The following ARHGAP5 variants were observed in gnomAD, a reference collection of about 807,000 sequenced individuals.
ARHGAP5 encodes the protein Rho GTPase activating protein 5.
A neutral mutation model predicts 116.6 loss-of-function variants in ARHGAP5; 23 were observed. The ratio of observed to expected loss-of-function variants is 0.20; its 90% CI spans 0.14 to 0.28. The LOEUF (loss-of-function observed/expected upper bound fraction) is 0.28. ARHGAP5 is among the 10% of genes least tolerant of loss of function. The pLI is 1.00. For missense variants in ARHGAP5, 1,405 were observed against 1,774.8 expected, an observed-to-expected ratio of 0.79 and a Z score of 3.74; for synonymous variants, 574 against 602.0, an observed-to-expected ratio of 0.95 and a Z score of 0.68.
At position 32,077,489 on chromosome 14, in the gene ARHGAP5, G is replaced by A. The variant is rs940577232; in HGVS notation, c.-169+54G>A. Reference sequence around the variant, plus strand: ...AGCCTGCCTGCCCCCTCCCGGACGGGGACCCTCCTGCGGCTAGCTGCCCCG... The same window carrying A: ...AGCCTGCCTGCCCCCTCCCGGACGGAGACCCTCCTGCGGCTAGCTGCCCCG... On this transcript the variant is annotated intron_variant, in intron 1 of 6. Coordinates refer to ENST00000345122, the MANE Select transcript of ARHGAP5 (RefSeq NM_001030055.2). The A allele has an allele frequency of 1.9e-5, 13 of 682,986 alleles. No individual in the cohort carries two copies. In the East Asian group the frequency reaches 3.7e-4, roughly 19 times the overall value. The allele number at this position is 682,986 out of a possible 1,614,324, so 42.3% of individuals were successfully genotyped here. A position where few individuals can be genotyped will look rare whatever the true frequency, so the allele number is the denominator to read the frequency against.
At chr14:32,133,727 G>C (rs1880632065) in intron 3 of ARHGAP5, among the ~76,000 whole-genome samples, 1 of 152,148 alleles carries the variant, frequency 6.6e-6, no homozygotes, top group Non-Finnish European at 1.5e-5. Context: ...GTTTGTCATA[G>C]ATAGGTCTTA....
chr14:32,080,388 C>A (rs943937663), intron 1 of ARHGAP5, among the ~76,000 whole-genome samples: 10 of 151,102 alleles, frequency 6.6e-5, no homozygotes, highest in Admixed American at 4.6e-4. Flanking sequence ...ACCTGGGTAA[C>A]AACAAACCCC....
At chr14:32,108,407 A>G (rs1001955473) in intron 2 of ARHGAP5, among the ~76,000 whole-genome samples, 2 of 151,666 alleles carry the variant, frequency 1.3e-5, no homozygotes, top group Admixed American at 6.6e-5. Flanking sequence ...GAAGGAGAAG[A>G]AAGAGAGGAA....
At chr14:32,090,418 G>A in intron 1 of ARHGAP5, 84 bp from the exon 2 acceptor site, 1 of 438,522 alleles carries the variant, frequency 2.3e-6, no homozygotes, top group Non-Finnish European at 4.0e-6. Context: ...TAATTTGTAT[G>A]GTGCTTTGTT....
At chr14:32,144,692 C>G (rs537293614) in intron 3 of ARHGAP5, among the ~76,000 whole-genome samples, 11 of 152,104 alleles carry the variant, frequency 7.2e-5, no homozygotes, top group Non-Finnish European at 1.3e-4. Context: ...ACATGTTGGC[C>G]AGGCTTGTCT....
At chr14:32,114,163 G>C (rs1271370661) in intron 2 of ARHGAP5, among the ~76,000 whole-genome samples, 1 of 151,870 alleles carries the variant, frequency 6.6e-6, no homozygotes, top group African/African-American at 2.4e-5. Context: ...AGGAGGCAGA[G>C]CTTGCAGTGA....
chr14:32,121,408 TG>T (rs1398370351), intron 3 of ARHGAP5, among the ~76,000 whole-genome samples: 2 of 152,190 alleles, frequency 1.3e-5, no homozygotes, highest in African/African-American at 4.8e-5. Flanking sequence ...TACCTTCAAG[TG>T]ATATACCACT....
At chr14:32,101,665 A>AAC (rs1566665697) in intron 2 of ARHGAP5, among the ~76,000 whole-genome samples, 1 of 151,982 alleles carries the variant, frequency 6.6e-6, no homozygotes, top group African/African-American at 2.4e-5. Context: ...AAAAAAAAAA[A>AAC]AACTGGGTGT....
At chr14:32,144,026 T>G (rs982501466) in intron 3 of ARHGAP5, among the ~76,000 whole-genome samples, 1 of 152,192 alleles carries the variant, frequency 6.6e-6, no homozygotes, top group African/African-American at 2.4e-5. Context: ...TGAGAACCAC[T>G]GCACTGTGTG....
At position 32,077,447 on chromosome 14, in the gene ARHGAP5, C is replaced by T. The variant is rs1170946619; in HGVS notation, c.-169+12C>T. 1 of 699,316 alleles carries T rather than the reference C, an allele frequency of 1.4e-6. No homozygotes were observed. The highest frequency in any genetic ancestry group is 2.6e-6 in the Non-Finnish European group (1 of 383,632). The allele number at this position is 699,316 out of a possible 1,614,324, so 43.3% of individuals were successfully genotyped here. ...ACCGACGTTGTTAGGTAGGACCTTG[C>T]GGACCCCGCTCCTCCAAGCCTGCCT... On this transcript the variant is annotated intron_variant, in intron 1 of 6. Coordinates refer to ENST00000345122, the MANE Select transcript of ARHGAP5 (RefSeq NM_001030055.2).
At chr14:32,082,429 T>C (rs1188807698) in intron 1 of ARHGAP5, among the ~76,000 whole-genome samples, 2 of 152,254 alleles carry the variant, frequency 1.3e-5, no homozygotes, top group East Asian at 1.9e-4. Context: ...CATCTATTGC[T>C]GAAACTGATT....
rs535259985 is a variant in ARHGAP5, at chr14:32,091,985, A to G, written c.1316A>G (p.Glu439Gly). ...AAGGAAAAATTCAAAAAGACTTTGG[A>G]AAAAATTCAATTCATTTCACCAGGG... ...EMKEKFKKTL[E>G]KIQFISPGQP... Residue 439 changes from glutamate (E) to glycine (G), a missense_variant, in exon 2 of 7, where the codon GAA becomes GGA. Glu to Gly is a moderately conservative substitution (Grantham distance 98, BLOSUM62 -2). Transcript: ENST00000345122. The G allele has an allele frequency of 1.2e-6, 2 of 1,613,700 alleles. No homozygotes were observed. Among genetic ancestry groups the G allele is most frequent in the South Asian group, 1.1e-5 (1 of 91,070 alleles).
chr14:32,140,996 T>C (rs541212676), intron 3 of ARHGAP5, among the ~76,000 whole-genome samples: 15 of 152,334 alleles, frequency 9.8e-5, no homozygotes, highest in Non-Finnish European at 2.1e-4. Flanking sequence ...GGACTCTTGT[T>C]AGGTGCATTT....
intron 3 of ARHGAP5, among the ~76,000 whole-genome samples, chr14:32,132,813 G>A (rs903805466): frequency 1.3e-5 from 2 of 152,154 alleles, no homozygotes; most frequent in Non-Finnish European, 2.9e-5. Flanking sequence ...TGGCTAGCCA[G>A]TTTTCCCAGC....
intron 3 of ARHGAP5, among the ~76,000 whole-genome samples, chr14:32,140,108 TTTTTTCC>T (rs1881042906): frequency 7.3e-6 from 1 of 137,454 alleles, no homozygotes; most frequent in Non-Finnish European, 1.5e-5. Flanking sequence ...TTTTTTTTTT[TTTTTTCC>T]TTTTTTTTTT....
chr14:32,136,363 T>G (rs1463724844), intron 3 of ARHGAP5, among the ~76,000 whole-genome samples: 1 of 152,230 alleles, frequency 6.6e-6, no homozygotes, highest in Non-Finnish European at 1.5e-5. Context: ...TGTTCTGAAA[T>G]CACAAAATGT....
intron 3 of ARHGAP5, among the ~76,000 whole-genome samples, chr14:32,130,705 G>C (rs556310382): frequency 3.3e-5 from 5 of 150,940 alleles, no homozygotes; most frequent in African/African-American, 1.2e-4. Context: ...GCTGATTTTT[G>C]CATTTTTAGT....
At chr14:32,122,048 G>GTATA (rs1879914279) in intron 3 of ARHGAP5, among the ~76,000 whole-genome samples, 1 of 152,138 alleles carries the variant, frequency 6.6e-6, no homozygotes, top group South Asian at 2.1e-4. Flanking sequence ...CACCTCTTGG[G>GTATA]TATATACTTA....
At position 32,092,435 on chromosome 14, in the gene ARHGAP5, A is replaced by T. The variant is rs759811993; in HGVS notation, c.1766A>T (p.Asp589Val). The change falls in exon 2 of 7, where the codon GAT becomes GTT. Residue 589 changes from aspartate to valine, a missense_variant. Physicochemically the swap from Asp to Val is radical, Grantham distance 152. Transcript: ENST00000345122. This position sits in a 1 kb window ranked among gnomAD's most constrained non-coding sequence, Gnocchi z 4.1. ...CATGGCCGCTTAAGATTATATCACG[A>T]TAGTACCAATATAGATAAAGTTAAC... is the stretch of plus-strand genomic sequence containing the variant. Reference protein sequence around the residue: ...LDHGRLRLYHDSTNIDKVNLF... With the variant: ...LDHGRLRLYHVSTNIDKVNLF... The T allele has an allele frequency of 5.0e-6, 8 of 1,613,726 alleles. No individual in the cohort carries two copies. In the African/African-American group the frequency reaches 8.0e-5, roughly 16 times the overall value.
Sources: allele counts gnomAD v4.1 joint callset (sites outside exome capture counted in the v4.1 genomes callset), GRCh38; gene constraint gnomAD v4.1.1; non-coding constraint Gnocchi (gnomAD v3.1); transcripts MANE v1.5; gene names NCBI Gene and HGNC (gene_info 2026-07-23, HGNC 2026-07-21).